Variants in ASB4 observed in about 807,000 individuals in gnomAD.
The protein encoded by ASB4 is ankyrin repeat and SOCS box protein 4.
ASB4 carries 35 observed loss-of-function variants against 38.6 expected under a neutral mutation model. The ratio of observed to expected loss-of-function variants is 0.91; its 90% CI spans 0.69 to 1.20. The LOEUF is 1.20. ASB4 is among the 50% of genes most tolerant of loss of function. ASB4 has a pLI of 0.00. For missense variants in ASB4, 557 were observed against 527.2 expected (o/e 1.06, Z -0.55); for synonymous variants, 195 against 201.3 (o/e 0.97, Z 0.26).
chr7:95,501,040 T>C lies in ASB4; in HGVS notation c.487+4983T>C, dbSNP rs577133358. 5.9e-5 allele frequency among the ~76,000 whole-genome samples: 9 copies of C among 152,332 alleles called. No homozygotes were observed. The East Asian group carries it at 1.7e-3, about 29-fold the overall frequency. On this transcript the variant is annotated intron_variant, in intron 2 of 4. Transcript: ENST00000325885. Reference sequence around the variant, plus strand: ...GTTTTTATCTTTATTGATTTTTAAATTTAATTAGTTTAAACATGCAAGCTT... The same window carrying C: ...GTTTTTATCTTTATTGATTTTTAAACTTAATTAGTTTAAACATGCAAGCTT...
At chr7:95,502,906 A>G (rs1790361225) in intron 2 of ASB4, among the ~76,000 whole-genome samples, 1 of 152,186 alleles carries the variant, frequency 6.6e-6, no homozygotes, top group African/African-American at 2.4e-5. Context: ...GAAAAACTGA[A>G]AAATGCTTAC....
At position 95,539,899 on chromosome 7, in the gene ASB4, A is replaced by G. The variant is rs1290720161; in HGVS notation, c.*2140A>G. 1 of 152,216 alleles carries G rather than the reference A, an allele frequency of 6.6e-6. No individual in the cohort carries two copies. Among genetic ancestry groups the G allele is most frequent in the Non-Finnish European group, 1.5e-5 (1 of 68,048 alleles). 9.4% of individuals were successfully genotyped at this position (152,216 alleles called of 1,614,324 possible). On this transcript the variant is annotated 3_prime_UTR_variant, in exon 5 of 5. Coordinates refer to ENST00000325885, the MANE Select transcript of ASB4 (RefSeq NM_016116.3). ...AAACTATTGAAATCTTAAAATAGTA[A>G]TAATTAACAAAGTAAAACAAGATCA...
chr7:95,532,952 A>G (rs775529507), intron 3 of ASB4, among the ~76,000 whole-genome samples: 18 of 152,226 alleles, frequency 1.2e-4, no homozygotes, highest in Non-Finnish European at 2.4e-4. Flanking sequence ...TGGGGTCCAC[A>G]TCAGTCTGCT....
chr7:95,475,829 C>T (rs1789971681), upstream of ASB4, among the ~76,000 whole-genome samples: 2 of 152,258 alleles, frequency 1.3e-5, no homozygotes, highest in South Asian at 4.2e-4. Flanking sequence ...CATTCTCTCC[C>T]CCATCTCTAA....
chr7:95,507,047 A>G (rs1790419684), intron 2 of ASB4, among the ~76,000 whole-genome samples: 6 of 151,980 alleles, frequency 3.9e-5, no homozygotes, highest in Admixed American at 3.9e-4. Context: ...TTTTCCTCAG[A>G]TGTCTTATAA....
At chr7:95,549,174 TAGAA>T in the ASB4 span, among the ~76,000 whole-genome samples, 1 of 152,002 alleles carries the variant, frequency 6.6e-6, no homozygotes, top group African/African-American at 2.4e-5. Flanking sequence ...GATGGGGATA[TAGAA>T]AGAGAGTGCA....
intron 1 of ASB4, among the ~76,000 whole-genome samples, chr7:95,494,580 C>T (rs184971592): frequency 2.3e-4 from 35 of 152,314 alleles, no homozygotes; most frequent in Admixed American, 3.9e-4. Context: ...CCTAAAGTAA[C>T]TTCTACGCTG....
chr7:95,473,797 AG>A (rs1789948141), upstream of ASB4: 1 of 152,218 alleles, frequency 6.6e-6, no homozygotes, highest in African/African-American at 2.4e-5. Flanking sequence ...CAGGGACTCC[AG>A]GCCTGATTTA....
intron 1 of ASB4, among the ~76,000 whole-genome samples, chr7:95,492,825 T>C (rs1027873591): frequency 6.6e-6 from 1 of 152,172 alleles, no homozygotes; most frequent in Non-Finnish European, 1.5e-5. Flanking sequence ...CAGTTGCTTT[T>C]TGAGGAAATT....
chr7:95,485,724 C>T (rs538847541), upstream of ASB4, among the ~76,000 whole-genome samples: 5 of 152,146 alleles, frequency 3.3e-5, no homozygotes, highest in African/African-American at 7.2e-5. Context: ...CGGGGGCTTT[C>T]GTTCATATTG....
intron 2 of ASB4, among the ~76,000 whole-genome samples, chr7:95,500,209 G>C (rs946493167): frequency 6.6e-6 from 1 of 151,872 alleles, no homozygotes; most frequent in African/African-American, 2.4e-5. Flanking sequence ...TGGGAGGTTC[G>C]GGAGAAAAAA....
chr7:95,485,870 G>A (rs898953472), upstream of ASB4: 1 of 979,862 alleles, frequency 1.0e-6, no homozygotes, highest in Non-Finnish European at 1.5e-6. Flanking sequence ...ATAACTTTGG[G>A]ATAAAATTAG....
intron 2 of ASB4, among the ~76,000 whole-genome samples, chr7:95,503,045 A>T (rs1438962143): frequency 6.6e-6 from 1 of 152,236 alleles, no homozygotes; most frequent in Admixed American, 6.5e-5. Context: ...GACTGTATAG[A>T]TGTATTTTTC....
At chr7:95,513,155 C>A (rs1224802672) in intron 2 of ASB4, among the ~76,000 whole-genome samples, 1 of 151,834 alleles carries the variant, frequency 6.6e-6, no homozygotes, top group Non-Finnish European at 1.5e-5. Context: ...ATGTGGGAAG[C>A]CTCTAGAAGC....
At chr7:95,499,284 T>G (rs755498507) in intron 2 of ASB4, among the ~76,000 whole-genome samples, 1 of 152,142 alleles carries the variant, frequency 6.6e-6, no homozygotes, top group Non-Finnish European at 1.5e-5. Context: ...AGAGTATATA[T>G]AGAGAAAAGT....
chr7:95,495,086 T>G (rs1323044146), intron 1 of ASB4, among the ~76,000 whole-genome samples: 1 of 152,256 alleles, frequency 6.6e-6, no homozygotes, highest in Non-Finnish European at 1.5e-5. Flanking sequence ...TTTGACATTT[T>G]TATTTTCCTA....
At chr7:95,522,121 A>C (rs1283762926) in intron 2 of ASB4, among the ~76,000 whole-genome samples, 1 of 152,184 alleles carries the variant, frequency 6.6e-6, no homozygotes, top group Non-Finnish European at 1.5e-5. Context: ...ATGCAGTAAC[A>C]CAACAGAGTT....
chr7:95,505,848 C>A lies in ASB4; in HGVS notation c.487+9791C>A, dbSNP rs59348835. Among the ~76,000 whole-genome samples, 25 of 152,186 alleles carry A rather than the reference C, an allele frequency of 1.6e-4. No individual in the cohort carries two copies. The East Asian group carries it at 3.7e-3, about 22-fold the overall frequency. Reference sequence around the variant, plus strand: ...TCTTTTGCTTAATTTTCTACATACTCATTGCTATTTAACCTCAAAGCTTTT... The same window carrying A: ...TCTTTTGCTTAATTTTCTACATACTAATTGCTATTTAACCTCAAAGCTTTT... On this transcript the variant is annotated intron_variant, in intron 2 of 4. Transcript: ENST00000325885.
chr7:95,512,968 G>A (rs10225152), intron 2 of ASB4, among the ~76,000 whole-genome samples: 20,056 of 152,182 alleles, frequency 0.13, 1,417 homozygotes, highest in South Asian at 0.16. Context: ...ACTTTGAGAT[G>A]AGGAGATTAT....
Sources: allele counts gnomAD v4.1 joint callset (sites outside exome capture counted in the v4.1 genomes callset), GRCh38; gene constraint gnomAD v4.1.1; transcripts MANE v1.5; gene names NCBI Gene and HGNC (gene_info 2026-07-23, HGNC 2026-07-21).